USP34: variants seen among roughly 807,000 people sequenced by gnomAD.
The protein encoded by USP34 is ubiquitin carboxyl-terminal hydrolase 34.
USP34 carries 70 observed loss-of-function variants against 460.3 expected under a neutral mutation model. That is an observed-to-expected ratio of 0.15 (90% CI 0.13 to 0.19). USP34 has a LOEUF of 0.19. USP34 is among the 10% of genes least tolerant of loss of function. USP34 has a pLI of 1.00. For missense variants in USP34, 3,985 were observed against 4,236.2 expected, an observed-to-expected ratio of 0.94 and a Z score of 1.65; for synonymous variants, 1,647 against 1,405.3, an observed-to-expected ratio of 1.17 and a Z score of -3.85.
intron 10 of USP34, among the ~76,000 whole-genome samples, chr2:61,359,775 AGTT>A (rs1424469230): frequency 7.1e-6 from 1 of 140,924 alleles, no homozygotes; most frequent in African/African-American, 2.6e-5. Flanking sequence ...AAAAGCCCAC[AGTT>A]GTTTTTTTTT....
chr2:61,462,547 T>C (rs1160424488), intron 1 of USP34, among the ~76,000 whole-genome samples: 3 of 120,674 alleles, frequency 2.5e-5, no homozygotes, highest in African/African-American at 9.9e-5. Flanking sequence ...AGACTCCGTC[T>C]CCAAAAAAAA....
chr2:61,395,505 G>A (rs1277028864), intron 3 of USP34, among the ~76,000 whole-genome samples: 2 of 152,118 alleles, frequency 1.3e-5, no homozygotes, highest in African/African-American at 4.8e-5. Flanking sequence ...AAAAATCAAT[G>A]TTTAAAATCC....
chr2:61,425,854 G>A (rs551089947), intron 1 of USP34, among the ~76,000 whole-genome samples: 1 of 152,078 alleles, frequency 6.6e-6, no homozygotes, highest in South Asian at 2.1e-4. Flanking sequence ...GCACAGCTCA[G>A]GGCTCCAAGA....
chr2:61,457,925 GGACT>G (rs1368291542), intron 1 of USP34, among the ~76,000 whole-genome samples: 4 of 152,064 alleles, frequency 2.6e-5, no homozygotes, highest in Admixed American at 1.3e-4. Flanking sequence ...ACAAAAGCAA[GGACT>G]GACAGTACTT....
intron 34 of USP34, among the ~76,000 whole-genome samples, chr2:61,286,209 CAGT>C (rs1689684428): frequency 6.6e-6 from 1 of 152,114 alleles, no homozygotes; most frequent in African/African-American, 2.4e-5. Context: ...TTACTACCTA[CAGT>C]ATATCAACAT....
intron 2 of USP34, among the ~76,000 whole-genome samples, chr2:61,406,941 C>T (rs530212670): frequency 1.3e-5 from 2 of 152,070 alleles, no homozygotes; most frequent in South Asian, 2.1e-4. Context: ...ACCCGGGAGG[C>T]GGAGGCTGTA....
intron 25 of USP34, among the ~76,000 whole-genome samples, chr2:61,312,664 CAG>C (rs1163541000): frequency 2.0e-5 from 3 of 152,046 alleles, no homozygotes. Flanking sequence ...TATTCAAGAC[CAG>C]AGTTTCTCCA....
At chr2:61,226,990 A>G in intron 62 of USP34, 77 bp downstream of exon 62, 1 of 1,477,456 alleles carries the variant, frequency 6.8e-7, no homozygotes, top group Non-Finnish European at 9.0e-7. Context: ...AGCTAGTGGA[A>G]AAACTAGTGG....
chr2:61,344,549 T>C (rs924136564), intron 15 of USP34, among the ~76,000 whole-genome samples: 4 of 152,072 alleles, frequency 2.6e-5, no homozygotes, highest in Admixed American at 6.5e-5. Flanking sequence ...TAACATGAAG[T>C]TCAGGGTTGA....
intron 5 of USP34, among the ~76,000 whole-genome samples, chr2:61,384,324 C>T (rs1304033449): frequency 2.6e-5 from 4 of 151,998 alleles, no homozygotes. Flanking sequence ...CTAACCCAAC[C>T]AATCAAACAA....
chr2:61,461,388 C>T (rs572927858), intron 1 of USP34, among the ~76,000 whole-genome samples: 7 of 150,026 alleles, frequency 4.7e-5, no homozygotes, highest in Non-Finnish European at 8.9e-5. Flanking sequence ...AGCGAAATTC[C>T]GCCTCAAAAA....
intron 66 of USP34, 138 bp downstream of exon 66, chr2:61,221,364 C>G (rs1558473538): frequency 1.4e-6 from 1 of 718,490 alleles, no homozygotes; most frequent in African/African-American, 1.8e-5. Context: ...GCTAGGAACT[C>G]TTTTCCTCCC....
chr2:61,303,007 C>A (rs1690276136), intron 27 of USP34, among the ~76,000 whole-genome samples: 1 of 152,118 alleles, frequency 6.6e-6, no homozygotes, highest in African/African-American at 2.4e-5. Context: ...TTTCAATTTA[C>A]TCAGATGTTC....
intron 76 of USP34, 81 bp downstream of exon 76, chr2:61,192,819 CT>C: frequency 8.4e-7 from 1 of 1,193,954 alleles, no homozygotes; most frequent in South Asian, 1.4e-5. Flanking sequence ...TTCAGCAAGT[CT>C]TCAACCCACT....
At chr2:61,212,012 C>A in intron 68 of USP34, 83 bp from the exon 69 acceptor site, 1 of 1,388,846 alleles carries the variant, frequency 7.2e-7, no homozygotes, top group South Asian at 1.4e-5. Context: ...GTTCATTAAT[C>A]AACTCTTAAA....
intron 41 of USP34, among the ~76,000 whole-genome samples, chr2:61,271,482 C>T (rs1368041260): frequency 1.3e-5 from 2 of 152,084 alleles, no homozygotes; most frequent in African/African-American, 4.8e-5. Context: ...AGAATCAGGT[C>T]TGAGTTGCAA....
At chr2:61,368,320 T>A (rs1053666495) in intron 10 of USP34, among the ~76,000 whole-genome samples, 3 of 151,898 alleles carry the variant, frequency 2.0e-5, no homozygotes, top group Non-Finnish European at 2.9e-5. Flanking sequence ...TAATCCCAGC[T>A]AGTGAGGAGG....
At chr2:61,349,155 G>C in intron 13 of USP34, 95 bp downstream of exon 13, 2 of 1,405,074 alleles carry the variant, frequency 1.4e-6, no homozygotes, top group African/African-American at 1.4e-5. Context: ...CTTTATGACT[G>C]ATACAAATAT....
chr2:61,248,050 G>C (rs1688466919), intron 49 of USP34, among the ~76,000 whole-genome samples: 1 of 152,010 alleles, frequency 6.6e-6, no homozygotes, highest in South Asian at 2.1e-4. Flanking sequence ...AGCTGGGCCT[G>C]GTGGTGCGTG....
Sources: allele counts gnomAD v4.1 joint callset (sites outside exome capture counted in the v4.1 genomes callset), GRCh38; gene constraint gnomAD v4.1.1; transcripts MANE v1.5; gene names NCBI Gene and HGNC (gene_info 2026-07-23, HGNC 2026-07-21).